IGSF11: variants seen among roughly 807,000 people sequenced by gnomAD.
IGSF11 encodes CXADR like 1.
Under a neutral mutation model 41.0 loss-of-function variants are expected in IGSF11, and 22 were observed. That is an observed-to-expected ratio of 0.54 (90% CI 0.38 to 0.77). IGSF11 has a LOEUF of 0.77. Among genes scored for constraint, IGSF11 ranks in the 30% least tolerant of loss-of-function variants. IGSF11 has a pLI of 0.00. For synonymous variants in IGSF11, 219 were observed against 201.3 expected (o/e 1.09, Z -0.74); for missense variants, 444 against 530.8 (o/e 0.84, Z 1.61).
At chr3:119,012,433 A>T (rs1938238860) in intron 1 of IGSF11, among the ~76,000 whole-genome samples, 1 of 152,200 alleles carries the variant, frequency 6.6e-6, no homozygotes. Flanking sequence ...AAGGTGGCTT[A>T]GTTTGTGCTC....
At chr3:119,114,380 A>G (rs181281251) in intron 1 of IGSF11, among the ~76,000 whole-genome samples, 17 of 152,338 alleles carry the variant, frequency 1.1e-4, no homozygotes, top group Admixed American at 7.2e-4. Flanking sequence ...CTAGGCTGCT[A>G]GAAGTAGCCA....
intron 1 of IGSF11, among the ~76,000 whole-genome samples, chr3:118,942,824 G>A (rs554213001): frequency 6.6e-5 from 10 of 152,142 alleles, no homozygotes; most frequent in Non-Finnish European, 1.3e-4. Flanking sequence ...CAGGCTTCCT[G>A]TCTCTTGTGA....
intron 4 of IGSF11, among the ~76,000 whole-genome samples, chr3:118,911,001 C>G (rs1373247935): frequency 6.6e-6 from 1 of 152,076 alleles, no homozygotes; most frequent in South Asian, 2.1e-4. Context: ...CTCTTTATAT[C>G]TGTCTCCTCC....
intron 1 of IGSF11, among the ~76,000 whole-genome samples, chr3:119,101,556 T>A (rs2076940901): frequency 6.6e-6 from 1 of 152,048 alleles, no homozygotes; most frequent in Non-Finnish European, 1.5e-5. Context: ...GCACAAAAAA[T>A]GTTAAATTAC....
At chr3:119,009,625 T>G (rs1031489001) in intron 1 of IGSF11, among the ~76,000 whole-genome samples, 2 of 152,232 alleles carry the variant, frequency 1.3e-5, no homozygotes, top group African/African-American at 4.8e-5. Flanking sequence ...ACCTTCTTTC[T>G]TTATAAATTA....
intron 1 of IGSF11, among the ~76,000 whole-genome samples, chr3:119,083,537 A>C (rs5029637): frequency 0.063 from 2,536 of 40,262 alleles, 71 homozygotes; most frequent in African/African-American, 0.19. Context: ...CACACACACA[A>C]ACACACACAC....
intron 1 of IGSF11, among the ~76,000 whole-genome samples, chr3:119,021,911 T>C (rs1939331280): frequency 6.6e-6 from 1 of 152,148 alleles, no homozygotes; most frequent in African/African-American, 2.4e-5. Context: ...TAAGAGATTT[T>C]ACAACACATA....
intron 1 of IGSF11, among the ~76,000 whole-genome samples, chr3:119,138,158 C>CGA (rs1188438036): frequency 7.5e-6 from 1 of 134,064 alleles, no homozygotes; most frequent in Non-Finnish European, 1.6e-5. Flanking sequence ...GGTTCCTCAA[C>CGA]AAAAAAAAAA....
At chr3:118,905,784 G>A (rs6782002) in intron 4 of IGSF11, 66 bp from the exon 5 acceptor site, 375,437 of 1,574,614 alleles carry the variant, frequency 0.24, 50,970 homozygotes, top group African/African-American at 0.53. Context: ...AGAAATCAGC[G>A]GAAGACCATA....
Position 118,957,596 on chromosome 3 carries a change from C to T in IGSF11, c.53-27321G>A, listed in dbSNP as rs143993442. The stretch of plus-strand genomic sequence containing the variant: ...CTCCCAGAGTGCATGCATGCTCTTA[C>T]TCATCACACTCGCCATTCCTTGTAG... On this transcript the variant is annotated intron_variant, in intron 1 of 6. Transcript: ENST00000393775. Among the ~76,000 whole-genome samples, 158 of 152,346 alleles carry T rather than the reference C, an allele frequency of 1.0e-3. 1 individual carries two copies. Among genetic ancestry groups the T allele is most frequent in the African/African-American group, 3.6e-3 (151 of 41,580 alleles).
At chr3:118,933,336 A>T (rs1337616920) in intron 1 of IGSF11, among the ~76,000 whole-genome samples, 1 of 152,078 alleles carries the variant, frequency 6.6e-6, no homozygotes, top group African/African-American at 2.4e-5. Context: ...ATCACATCAT[A>T]CAAGGGGTAT....
At chr3:118,947,871 T>C (rs111423144) in intron 1 of IGSF11, 1 of 152,272 alleles carries the variant, frequency 6.6e-6, no homozygotes, top group Non-Finnish European at 1.5e-5. Context: ...GTTTGGCTTC[T>C]TCTGCTCCAA....
chr3:119,135,435 T>A (rs1482206157), intron 1 of IGSF11, among the ~76,000 whole-genome samples: 1 of 152,126 alleles, frequency 6.6e-6, no homozygotes, highest in Non-Finnish European at 1.5e-5. Flanking sequence ...AAGAAGACAT[T>A]TATGCAGCCA....
At chr3:119,005,530 C>T (rs1355051896) in intron 1 of IGSF11, among the ~76,000 whole-genome samples, 1 of 141,158 alleles carries the variant, frequency 7.1e-6, no homozygotes, top group Non-Finnish European at 1.5e-5. Flanking sequence ...TGATTTTGCT[C>T]GTTAGTTGAT....
intron 1 of IGSF11, among the ~76,000 whole-genome samples, chr3:118,931,151 G>T (rs747551698): frequency 7.9e-5 from 12 of 152,082 alleles, no homozygotes; most frequent in Non-Finnish European, 1.6e-4. Context: ...AAATGGTGCT[G>T]GGATAATTTG....
intron 1 of IGSF11, among the ~76,000 whole-genome samples, chr3:119,064,169 T>TTTAC (rs1942145401): frequency 6.6e-6 from 1 of 152,182 alleles, no homozygotes. Flanking sequence ...TCTCCTACAT[T>TTTAC]TTACTCTAAA....
chr3:118,955,896 T>C (rs1944918484), intron 1 of IGSF11, among the ~76,000 whole-genome samples: 1 of 152,184 alleles, frequency 6.6e-6, no homozygotes, highest in South Asian at 2.1e-4. Context: ...GCTATGAAAG[T>C]CCTAGATGGC....
chr3:119,045,200 T>G (rs251454), intron 1 of IGSF11, among the ~76,000 whole-genome samples: 66,350 of 151,900 alleles, frequency 0.44, 15,124 homozygotes, highest in African/African-American at 0.58. Flanking sequence ...CGACACAGAA[T>G]ATGGGTGATT....
chr3:119,097,662 T>C (rs1156567709), intron 1 of IGSF11, among the ~76,000 whole-genome samples: 1 of 152,186 alleles, frequency 6.6e-6, no homozygotes, highest in Non-Finnish European at 1.5e-5. Flanking sequence ...TTTTGTTTTA[T>C]TCCTCAAACT....
Sources: allele counts gnomAD v4.1 joint callset (sites outside exome capture counted in the v4.1 genomes callset), GRCh38; gene constraint gnomAD v4.1.1; transcripts MANE v1.5; gene names NCBI Gene and HGNC (gene_info 2026-07-23, HGNC 2026-07-21).